Variants in DPP6 observed in about 807,000 individuals in gnomAD.
DPP6 encodes A-type potassium channel modulatory protein DPP6.
Under a neutral mutation model 122.6 loss-of-function variants are expected in DPP6, and 69 were observed. The observed-to-expected ratio is 0.56, with a 90% CI of 0.46 to 0.69. The LOEUF is 0.69. Ranked by LOEUF, DPP6 falls within the 30% of genes least tolerant of loss-of-function variation. The pLI is 0.00. For synonymous variants in DPP6, 418 were observed against 433.1 expected, an observed-to-expected ratio of 0.97 and a Z score of 0.43; for missense variants, 928 against 1,116.9, an observed-to-expected ratio of 0.83 and a Z score of 2.41.
intron 1 of DPP6, among the ~76,000 whole-genome samples, chr7:154,036,014 G>GCACA (rs1304211919): frequency 3.1e-5 from 4 of 128,828 alleles, no homozygotes; most frequent in Non-Finnish European, 3.4e-5. Flanking sequence ...GATTACGCGC[G>GCACA]CGCGCTTGTG....
In DPP6 at chr7:154,123,055, C is replaced by T. The variant is rs192614608; in HGVS notation, c.243+69992C>T. Among the ~76,000 whole-genome samples, 952 of 152,190 alleles carry T rather than the reference C, an allele frequency of 6.3e-3. 11 individuals are homozygous for T. The highest frequency in any genetic ancestry group is 0.034 in the Middle Eastern group (10 of 294). On this transcript the variant is annotated intron_variant, in intron 1 of 25. Transcript: ENST00000377770. ...AAAAATCAGAATCGTATCAAAGGGT[C>T]GGACACCTGGACTGGCAAGACACAT...
At chr7:153,970,227 T>C (rs981902962) in intron 1 of DPP6, among the ~76,000 whole-genome samples, 23 of 152,216 alleles carry the variant, frequency 1.5e-4, no homozygotes, top group Non-Finnish European at 3.4e-4. Flanking sequence ...AGTTTATGTT[T>C]AACGTTATTA....
At chr7:153,794,271 G>T in the DPP6 span, among the ~76,000 whole-genome samples, 1 of 152,218 alleles carries the variant, frequency 6.6e-6, no homozygotes, top group Non-Finnish European at 1.5e-5. Flanking sequence ...ACCCTGCAAA[G>T]CGACAGGAGT....
At chr7:154,220,826 C>T (rs755765277) in intron 1 of DPP6, among the ~76,000 whole-genome samples, 37 of 152,208 alleles carry the variant, frequency 2.4e-4, no homozygotes, top group Non-Finnish European at 4.1e-4. Context: ...GTGTCCTCTT[C>T]CTGCACAGTA....
At chr7:154,425,309 T>C (rs981649502) in intron 1 of DPP6, among the ~76,000 whole-genome samples, 1 of 152,188 alleles carries the variant, frequency 6.6e-6, no homozygotes, top group African/African-American at 2.4e-5. Context: ...AATTAGATAC[T>C]CCTAAAGTGG....
the DPP6 span, among the ~76,000 whole-genome samples, chr7:153,790,311 T>C: frequency 0.075 from 11,470 of 151,932 alleles, 584 homozygotes; most frequent in Middle Eastern, 0.17. Context: ...CCAAGTAGGA[T>C]GGGAAAAATA....
intron 1 of DPP6, among the ~76,000 whole-genome samples, chr7:154,160,146 CAT>C (rs1314889744): frequency 1.3e-5 from 2 of 151,468 alleles, no homozygotes; most frequent in East Asian, 1.9e-4. Context: ...ATACATCAGA[CAT>C]AGAGCGGTTA....
chr7:154,826,318 G>T (rs970116411), intron 16 of DPP6, among the ~76,000 whole-genome samples: 1 of 152,152 alleles, frequency 6.6e-6, no homozygotes, highest in African/African-American at 2.4e-5. Context: ...ATTAAATTGG[G>T]TGTATATTCT....
At position 154,481,359 on chromosome 7, in the gene DPP6, GTGTGTGTGTGTGTGTC is replaced by G. The variant is rs1486536650; in HGVS notation, c.457+6335_457+6350del. Among the ~76,000 whole-genome samples the G allele has an allele frequency of 5.3e-5, 8 of 151,718 alleles. No individual in the cohort carries two copies. In the East Asian group the frequency reaches 1.6e-3, roughly 30 times the overall value. On this transcript the variant is annotated intron_variant, in intron 3 of 25. Coordinates refer to ENST00000377770, the MANE Select transcript of DPP6 (RefSeq NM_130797.4). This position sits in a 1 kb window ranked among gnomAD's most constrained non-coding sequence, Gnocchi z 4.2. Reference sequence around the variant, plus strand: ...GAGAGAGAGAGGGGTGTGTGTGTGTGTGTGTGTGTGTGTGTCTGTGTGTGTGTGCATGTCAGTCACT... The same window carrying G: ...GAGAGAGAGAGGGGTGTGTGTGTGTGTGTGTGTGTGTGCATGTCAGTCACT...
Position 154,875,088 on chromosome 7 carries a change from A to G in DPP6, c.1884-818A>G, listed in dbSNP as rs2150651522. Among the ~76,000 whole-genome samples the G allele has an allele frequency of 6.6e-6, 1 of 151,296 alleles. No homozygotes were observed. Among genetic ancestry groups the G allele is most frequent in the South Asian group, 2.1e-4 (1 of 4,748 alleles). On this transcript the variant is annotated intron_variant, in intron 19 of 25. Transcript: ENST00000377770. The surrounding 1 kb of genome is among the most constrained non-coding windows in gnomAD (Gnocchi z 4.5). ...GCACTCCAGCCTGGCCGACAGAGTGAGACCCTGTCTCAAACAAAAGAAAAA... is the reference window on the plus strand; with the variant it reads ...GCACTCCAGCCTGGCCGACAGAGTGGGACCCTGTCTCAAACAAAAGAAAAA...
In DPP6 at chr7:154,605,062, C is replaced by G. The variant is rs1194377768; in HGVS notation, c.628-32759C>G. Reference sequence around the variant, plus strand: ...GAAGATTAATATAGATCTCTTCTATCCCTTGTTTTAATTTTCATATTTTGA... The same window carrying G: ...GAAGATTAATATAGATCTCTTCTATGCCTTGTTTTAATTTTCATATTTTGA... On this transcript the variant is annotated intron_variant, in intron 5 of 25. Transcript: ENST00000377770. Among the ~76,000 whole-genome samples, 6 of 116,702 alleles carry G rather than the reference C, an allele frequency of 5.1e-5. 1 individual carries two copies. Among genetic ancestry groups the G allele is most frequent in the Non-Finnish European group, 9.6e-5 (5 of 52,192 alleles). The allele number at this position is 116,702 out of a possible 152,430, so 76.6% of individuals were successfully genotyped here.
intron 1 of DPP6, among the ~76,000 whole-genome samples, chr7:154,121,008 A>G (rs1807413296): frequency 6.6e-6 from 1 of 152,190 alleles, no homozygotes; most frequent in South Asian, 2.1e-4. Context: ...TCTTGTGGCA[A>G]TGAGTTCTCA....
At chr7:154,326,134 A>T (rs573797093) in intron 1 of DPP6, among the ~76,000 whole-genome samples, 9 of 152,354 alleles carry the variant, frequency 5.9e-5, no homozygotes, top group African/African-American at 2.2e-4. Flanking sequence ...ATGTTGATCA[A>T]TTAACTCTTC....
chr7:154,093,270 A>C (rs551700601), intron 1 of DPP6, among the ~76,000 whole-genome samples: 1 of 147,052 alleles, frequency 6.8e-6, no homozygotes, highest in Non-Finnish European at 1.5e-5. Flanking sequence ...TACATCCTAC[A>C]TACATCATAC....
intron 7 of DPP6, among the ~76,000 whole-genome samples, chr7:154,690,523 C>T (rs897781121): frequency 3.3e-5 from 5 of 152,120 alleles, no homozygotes; most frequent in Non-Finnish European, 5.9e-5. Context: ...TGTAGGACTT[C>T]ATGACCTTCA....
chr7:154,114,570 G>A (rs3115192), intron 1 of DPP6, among the ~76,000 whole-genome samples: 123,003 of 152,120 alleles, frequency 0.81, 50,118 homozygotes, highest in African/African-American at 0.9. Flanking sequence ...CTTAAGCAGG[G>A]AGGCCTTAAC....
intron 1 of DPP6, among the ~76,000 whole-genome samples, chr7:153,941,534 C>T (rs1368633620): frequency 1.3e-5 from 2 of 152,100 alleles, no homozygotes; most frequent in Non-Finnish European, 2.9e-5. Flanking sequence ...GAGAGAGGGC[C>T]CCACAGACTC....
At chr7:154,170,252 C>A (rs1325918883) in intron 1 of DPP6, among the ~76,000 whole-genome samples, 1 of 152,180 alleles carries the variant, frequency 6.6e-6, no homozygotes, top group African/African-American at 2.4e-5. Flanking sequence ...TAAAAAGGCC[C>A]TCTCCTTATA....
At chr7:154,704,640 G>C (rs1466033470) in intron 7 of DPP6, among the ~76,000 whole-genome samples, 1 of 152,214 alleles carries the variant, frequency 6.6e-6, no homozygotes, top group African/African-American at 2.4e-5. Flanking sequence ...CCACCTGCCA[G>C]CAAAAAGACG....
Sources: allele counts gnomAD v4.1 joint callset (sites outside exome capture counted in the v4.1 genomes callset), GRCh38; gene constraint gnomAD v4.1.1; non-coding constraint Gnocchi (gnomAD v3.1); transcripts MANE v1.5; gene names NCBI Gene and HGNC (gene_info 2026-07-23, HGNC 2026-07-21).